EPHA3: variants seen among roughly 807,000 people sequenced by gnomAD.
The protein encoded by EPHA3 is EPH receptor A3, also known as ephrin type-A receptor 3.
EPHA3 carries 42 observed loss-of-function variants against 107.1 expected under a neutral mutation model. The ratio of observed to expected loss-of-function variants is 0.39; its 90% confidence interval spans 0.31 to 0.51. The LOEUF is 0.51. Among genes scored for constraint, EPHA3 ranks in the 20% least tolerant of loss-of-function variants. The probability of loss-of-function intolerance (pLI) is 0.78; values close to 1 mark genes in which losing one functional copy is unlikely to be tolerated. For synonymous variants in EPHA3, 461 were observed against 424.8 expected (o/e 1.09, Z -1.05); for missense variants, 1,183 against 1,211.2 (o/e 0.98, Z 0.35).
intron 2 of EPHA3, among the ~76,000 whole-genome samples, chr3:89,204,837 G>A (rs1284695532): frequency 1.3e-5 from 2 of 152,102 alleles, no homozygotes; most frequent in Admixed American, 6.5e-5. Flanking sequence ...ATGGCTATGA[G>A]TGTACAAGGG....
At chr3:89,214,307 G>T (rs1237444071) in intron 3 of EPHA3, among the ~76,000 whole-genome samples, 2 of 151,890 alleles carry the variant, frequency 1.3e-5, no homozygotes, top group Non-Finnish European at 2.9e-5. Flanking sequence ...TGGATGTATT[G>T]CTTAGTCCAC....
chr3:89,205,030 C>A (rs1436032129), intron 2 of EPHA3, among the ~76,000 whole-genome samples: 2 of 152,110 alleles, frequency 1.3e-5, no homozygotes, highest in Non-Finnish European at 2.9e-5. Flanking sequence ...ATTGCTGATG[C>A]ATTTCCCTTA....
intron 3 of EPHA3, among the ~76,000 whole-genome samples, chr3:89,331,511 T>G (rs1200336150): frequency 1.3e-5 from 2 of 152,308 alleles, no homozygotes; most frequent in East Asian, 3.9e-4. Flanking sequence ...ACTTTTTTTC[T>G]AATTTGCCAA....
chr3:89,133,130 T>C (rs1263342880), intron 2 of EPHA3, among the ~76,000 whole-genome samples: 1 of 152,188 alleles, frequency 6.6e-6, no homozygotes, highest in Non-Finnish European at 1.5e-5. Flanking sequence ...GCTAAATTCA[T>C]TTACATGTCT....
At chr3:89,342,858 TACACACACACAC>T (rs144807058) in intron 5 of EPHA3, among the ~76,000 whole-genome samples, 5 of 139,314 alleles carry the variant, frequency 3.6e-5, no homozygotes, top group East Asian at 2.1e-4. Context: ...TTTTTACACA[TACACACACACAC>T]ACACACACAC....
intron 1 of EPHA3, among the ~76,000 whole-genome samples, chr3:89,126,599 A>C (rs556794599): frequency 6.6e-6 from 1 of 151,790 alleles, no homozygotes; most frequent in East Asian, 1.9e-4. Flanking sequence ...AGCTTTACAC[A>C]GGTGTTATTA....
intron 2 of EPHA3, among the ~76,000 whole-genome samples, chr3:89,176,499 A>G (rs1387688138): frequency 1.8e-5 from 1 of 56,012 alleles, no homozygotes; most frequent in Non-Finnish European, 3.4e-5. Context: ...TCCATCTCTA[A>G]AAAAAAAAAA....
intron 2 of EPHA3, among the ~76,000 whole-genome samples, chr3:89,184,836 A>G (rs1325847706): frequency 6.6e-6 from 1 of 152,036 alleles, no homozygotes; most frequent in African/African-American, 2.4e-5. Flanking sequence ...AGCAGCAGTG[A>G]TATTAGAATG....
In EPHA3 at chr3:89,387,655, A is replaced by G. The variant is rs187133894; in HGVS notation, c.1307-8182A>G. 6.1e-4 allele frequency among the ~76,000 whole-genome samples: 92 copies of G among 150,234 alleles called. 1 individual carries two copies. In the East Asian group the frequency reaches 0.017, roughly 28 times the overall value. On this transcript the variant is annotated intron_variant, in intron 5 of 16. Transcript: ENST00000336596. Reference sequence around the variant, plus strand: ...TATCATATGTATGAAGATTGCTCTAATTCTGTGAGGATACTGGGAGATATT... The same window carrying G: ...TATCATATGTATGAAGATTGCTCTAGTTCTGTGAGGATACTGGGAGATATT...
chr3:89,275,226 A>G (rs1347431714), intron 3 of EPHA3, among the ~76,000 whole-genome samples: 1 of 152,018 alleles, frequency 6.6e-6, no homozygotes. Flanking sequence ...GAGCAATGTC[A>G]ATTCTACACA....
intron 3 of EPHA3, among the ~76,000 whole-genome samples, chr3:89,307,035 T>C (rs1350481554): frequency 6.6e-6 from 1 of 152,180 alleles, no homozygotes; most frequent in Non-Finnish European, 1.5e-5. Flanking sequence ...CATTAAAACA[T>C]AGATGAATAT....
At chr3:89,318,113 C>T (rs1445821862) in intron 3 of EPHA3, among the ~76,000 whole-genome samples, 1 of 151,722 alleles carries the variant, frequency 6.6e-6, no homozygotes, top group Non-Finnish European at 1.5e-5. Context: ...CAGTCAGATT[C>T]AATTTGGAAA....
intron 3 of EPHA3, among the ~76,000 whole-genome samples, chr3:89,284,387 TCTAA>T (rs1706027349): frequency 6.6e-6 from 1 of 152,148 alleles, no homozygotes; most frequent in African/African-American, 2.4e-5. Flanking sequence ...TTCAGAAATA[TCTAA>T]CTTTTTTACA....
chr3:89,330,569 G>A (rs957374447), intron 3 of EPHA3, among the ~76,000 whole-genome samples: 4 of 152,018 alleles, frequency 2.6e-5, no homozygotes, highest in African/African-American at 9.7e-5. Context: ...GAATAGAAAT[G>A]TATGTTAATT....
At chr3:89,137,704 T>C (rs183722248) in intron 2 of EPHA3, among the ~76,000 whole-genome samples, 1 of 151,948 alleles carries the variant, frequency 6.6e-6, no homozygotes, top group African/African-American at 2.4e-5. Flanking sequence ...TCCTTGGGAG[T>C]TGCTAAAATC....
intron 2 of EPHA3, among the ~76,000 whole-genome samples, chr3:89,171,117 AT>A (rs1705200407): frequency 6.6e-6 from 1 of 152,152 alleles, no homozygotes; most frequent in African/African-American, 2.4e-5. Context: ...TATGTCTCAA[AT>A]TTATCAACGT....
chr3:89,138,975 A>G lies in EPHA3; in HGVS notation c.153+11702A>G, dbSNP rs570926397. Among the ~76,000 whole-genome samples, 233 of 151,968 alleles carry G rather than the reference A, an allele frequency of 1.5e-3. 1 individual carries two copies. Among genetic ancestry groups the G allele is most frequent in the Non-Finnish European group, 2.6e-3 (174 of 67,878 alleles). On this transcript the variant is annotated intron_variant, in intron 2 of 16. Transcript: ENST00000336596. ...GTAAACTAAGGAAAGCAAAAGAAAC[A>G]AACAAAAGAGTGTGTGTTGGGGGAC...
chr3:89,290,408 A>G (rs953319844), intron 3 of EPHA3, among the ~76,000 whole-genome samples: 3 of 152,156 alleles, frequency 2.0e-5, no homozygotes, highest in Non-Finnish European at 4.4e-5. Context: ...GTGGGGAGGA[A>G]AACATGCTTT....
intron 3 of EPHA3, among the ~76,000 whole-genome samples, chr3:89,274,757 A>G (rs1306314487): frequency 1.3e-5 from 2 of 152,004 alleles, no homozygotes; most frequent in Non-Finnish European, 2.9e-5. Context: ...GCGATTTAGA[A>G]TCGTAACCAA....
Sources: allele counts gnomAD v4.1 joint callset (sites outside exome capture counted in the v4.1 genomes callset), GRCh38; gene constraint gnomAD v4.1.1; transcripts MANE v1.5; gene names NCBI Gene and HGNC (gene_info 2026-07-23, HGNC 2026-07-21).